The following HERC4 variants were observed in gnomAD, a reference collection of about 807,000 sequenced individuals.
HERC4 encodes HECT and RLD domain containing E3 ubiquitin protein ligase 4, also known as probable E3 ubiquitin-protein ligase HERC4.
In HERC4, 28 loss-of-function variants were observed where a neutral mutation model predicts 124.3. The observed-to-expected ratio is 0.23, with a 90% CI of 0.17 to 0.31. The LOEUF (loss-of-function observed/expected upper bound fraction) is 0.31, where lower values mean the gene tolerates loss of function less well. HERC4 is among the 10% of genes least tolerant of loss of function. The pLI, the probability that HERC4 is intolerant of heterozygous loss-of-function variation, is 1.00. For missense variants in HERC4, 713 were observed against 1,229.3 expected (o/e 0.58, Z 6.28); for synonymous variants, 407 against 421.5 (o/e 0.97, Z 0.42).
At chr10:68,014,704 G>A (rs1375102665) in intron 8 of HERC4, among the ~76,000 whole-genome samples, 1 of 152,096 alleles carries the variant, frequency 6.6e-6, no homozygotes, top group African/African-American at 2.4e-5. Flanking sequence ...CTATATGTAC[G>A]CACCAAAACT....
intron 1 of HERC4, chr10:68,074,632 G>A (rs2041723103): frequency 6.6e-6 from 1 of 152,176 alleles, no homozygotes; most frequent in Non-Finnish European, 1.5e-5. Context: ...CTGGGAAAGA[G>A]AAATCATCTG....
intron 19 of HERC4, chr10:67,954,385 T>G: frequency 2.7e-6 from 1 of 376,180 alleles, no homozygotes; most frequent in Non-Finnish European, 4.7e-6. Flanking sequence ...ATCTCTTAAT[T>G]TATTTTGTTA....
In HERC4 at chr10:68,003,270, C is replaced by CA. The variant is rs534048356; in HGVS notation, c.1070-10589dup. Among the ~76,000 whole-genome samples the CA allele has an allele frequency of 5.5e-4, 83 of 151,752 alleles. 2 individuals carry two copies. In the South Asian group the frequency reaches 0.016, roughly 30 times the overall value. ...CCCGGGTTCATGCCATTCTCTTGCA[C>CA]AGCCTCCCGAGTAGCTGGGACTACA... On this transcript the variant is annotated intron_variant, in intron 9 of 24. Coordinates refer to ENST00000373700, the MANE Select transcript of HERC4 (RefSeq NM_015601.4).
intron 4 of HERC4, among the ~76,000 whole-genome samples, chr10:68,042,873 G>A (rs75028881): frequency 0.03 from 4,559 of 152,006 alleles, 237 homozygotes; most frequent in African/African-American, 0.1. Context: ...CTATGTATAC[G>A]TTACAACAAA....
At chr10:68,054,001 T>A (rs1305018769) in intron 3 of HERC4, among the ~76,000 whole-genome samples, 1 of 152,190 alleles carries the variant, frequency 6.6e-6, no homozygotes, top group Non-Finnish European at 1.5e-5. Context: ...CTTTAGTACA[T>A]GTTTAAAACC....
chr10:67,995,226 A>T (rs1228407288), intron 9 of HERC4: 1 of 454,914 alleles, frequency 2.2e-6, no homozygotes, highest in Admixed American at 2.4e-5. Context: ...GGAAACACAT[A>T]ATTCCTTTGA....
chr10:68,031,296 C>G (rs1475808379), intron 7 of HERC4, among the ~76,000 whole-genome samples: 3 of 151,990 alleles, frequency 2.0e-5, no homozygotes, highest in African/African-American at 7.2e-5. Flanking sequence ...AGTCTTTCTG[C>G]CATAAAATTA....
chr10:68,037,015 A>T (rs959270379), intron 5 of HERC4, among the ~76,000 whole-genome samples: 1 of 151,068 alleles, frequency 6.6e-6, no homozygotes, highest in Non-Finnish European at 1.5e-5. Context: ...CATGGTTCCT[A>T]GTGCTTTATT....
At chr10:67,992,486 C>T in intron 10 of HERC4, 120 bp downstream of exon 10, 1 of 1,125,076 alleles carries the variant, frequency 8.9e-7, no homozygotes, top group Non-Finnish European at 1.3e-6. Flanking sequence ...ATTCTGTAGA[C>T]TTAAGGGGAA....
intron 4 of HERC4, among the ~76,000 whole-genome samples, chr10:68,042,713 C>A (rs568289849): frequency 4.6e-5 from 7 of 152,284 alleles, no homozygotes; most frequent in Admixed American, 4.6e-4. Flanking sequence ...TGGCTGACAT[C>A]TCTAAGCCAC....
intron 9 of HERC4, among the ~76,000 whole-genome samples, chr10:67,997,589 T>C (rs2036966876): frequency 6.6e-6 from 1 of 152,204 alleles, no homozygotes; most frequent in Non-Finnish European, 1.5e-5. Context: ...TAGATCTGTT[T>C]GAAGCTTTAA....
chr10:68,060,013 C>G (rs2040921866), intron 3 of HERC4, among the ~76,000 whole-genome samples: 1 of 143,892 alleles, frequency 6.9e-6, no homozygotes, highest in South Asian at 2.1e-4. Flanking sequence ...TTCTAATTGG[C>G]TCTTGTTCCT....
intron 15 of HERC4, among the ~76,000 whole-genome samples, chr10:67,967,155 A>T (rs1159224978): frequency 1.3e-5 from 2 of 152,204 alleles, no homozygotes; most frequent in African/African-American, 2.4e-5. Context: ...CGCCTGGCCA[A>T]GACAGAGAAA....
intron 22 of HERC4, among the ~76,000 whole-genome samples, chr10:67,934,110 C>G (rs1222572350): frequency 6.6e-6 from 1 of 152,180 alleles, no homozygotes; most frequent in Non-Finnish European, 1.5e-5. Flanking sequence ...CAACACAGTT[C>G]TATTGTTATT....
chr10:68,073,197 A>T lies in HERC4; in HGVS notation c.-78-11T>A. ...GGAGGTACCCTATGTCTGAGGAAATAGAAAGAAGTTAATATGACTTCAAAG... is the reference window on the plus strand; with the variant it reads ...GGAGGTACCCTATGTCTGAGGAAATTGAAAGAAGTTAATATGACTTCAAAG... On this transcript the variant is annotated splice_polypyrimidine_tract_variant and intron_variant, in intron 2 of 24. Transcript: ENST00000373700. The T allele has an allele frequency of 2.1e-6, 2 of 954,632 alleles. No individual in the cohort carries two copies. The highest frequency in any genetic ancestry group is 1.7e-5 in the African/African-American group (1 of 60,268). The allele number at this position is 954,632 out of a possible 1,614,324, so 59.1% of individuals were successfully genotyped here.
rs1173246464 is a variant in HERC4, at chr10:68,059,665, ATAT to A, written c.226+13215_226+13217del. 1.6e-4 allele frequency among the ~76,000 whole-genome samples: 11 copies of A among 67,786 alleles called. 4 individuals are homozygous for A. In the East Asian group the frequency reaches 8.3e-3, roughly 51 times the overall value. 44.5% of individuals were successfully genotyped at this position (67,786 alleles called of 152,430 possible). A position where few individuals can be genotyped will look rare whatever the true frequency, so the allele number is the denominator to read the frequency against. ...TATATTATATTATATATCATATTAT[ATAT>A]TATATTATATATCATAATATTATAT... On this transcript the variant is annotated intron_variant, in intron 3 of 24. Transcript: ENST00000373700.
chr10:68,023,006 TAAAAAAA>T (rs767835359), intron 8 of HERC4, among the ~76,000 whole-genome samples: 19 of 140,238 alleles, frequency 1.4e-4, no homozygotes, highest in African/African-American at 5.0e-4. Context: ...ATAGGTATTA[TAAAAAAA>T]AAAAGAAAAA....
intron 3 of HERC4, among the ~76,000 whole-genome samples, chr10:68,056,494 G>A (rs549356549): frequency 2.6e-5 from 4 of 152,294 alleles, no homozygotes; most frequent in East Asian, 1.9e-4. Context: ...AGACAGCGAT[G>A]CAATTTATTA....
intron 13 of HERC4, 111 bp from the exon 14 acceptor site, chr10:67,990,511 T>C: frequency 1.8e-6 from 1 of 566,466 alleles, no homozygotes; most frequent in African/African-American, 2.0e-5. Flanking sequence ...AATTTTGCAC[T>C]ACAGCAAATA....
Sources: gnomAD v4.1 joint callset for allele counts (sites outside exome capture counted in the v4.1 genomes callset) on GRCh38, gnomAD v4.1.1 for gene constraint, MANE v1.5 for transcripts, NCBI Gene and HGNC (gene_info 2026-07-23, HGNC 2026-07-21) for gene names.